ERAP1: variants seen among roughly 807,000 people sequenced by gnomAD.
ERAP1 encodes adipocyte-derived leucine aminopeptidase.
ERAP1 carries 86 observed loss-of-function variants against 103.7 expected under a neutral mutation model. The observed-to-expected ratio is 0.83, with a 90% CI of 0.70 to 0.99. ERAP1 has a LOEUF of 0.99. ERAP1 is among the 50% of genes least tolerant of loss of function. ERAP1 has a pLI of 0.00. For synonymous variants in ERAP1, 398 were observed against 402.4 expected (o/e 0.99, Z 0.13); for missense variants, 1,009 against 1,128.4 (o/e 0.89, Z 1.52).
downstream of ERAP1, chr5:96,769,514 A>G (rs911721206): frequency 8.9e-4 from 135 of 151,590 alleles, 2 homozygotes; most frequent in African/African-American, 3.0e-3. Context: ...GTAGTTTGGG[A>G]TGCATAGAAA....
chr5:96,880,363 A>C, the ERAP1 span: 1 of 1,062,140 alleles, frequency 9.4e-7, no homozygotes, highest in Non-Finnish European at 1.3e-6. Context: ...TGAGAAATCC[A>C]GTGAACTATG....
chr5:96,887,077 A>G, the ERAP1 span, among the ~76,000 whole-genome samples: 589 of 70,836 alleles, frequency 8.3e-3, 2 homozygotes, highest in African/African-American at 0.022. Flanking sequence ...TTCAAAGTAT[A>G]TATATATATA....
At chr5:96,808,189 T>C (rs1183147605), upstream of ERAP1, 4 of 14,200 alleles carry the variant, frequency 2.8e-4, no homozygotes, top group Admixed American at 6.0e-4. Context: ...CGCGGATCCG[T>C]GTGTGTGTGT....
the ERAP1 span, among the ~76,000 whole-genome samples, chr5:96,824,980 C>A: frequency 6.6e-6 from 1 of 152,138 alleles, no homozygotes; most frequent in Non-Finnish European, 1.5e-5. Context: ...GTGGAGGCTG[C>A]AGTGGGCTGC....
downstream of ERAP1, chr5:96,771,666 CA>C: frequency 6.2e-7 from 1 of 1,611,498 alleles, no homozygotes; most frequent in African/African-American, 1.3e-5. Flanking sequence ...ACTTCCAAGC[CA>C]AAAGATGACT....
chr5:96,863,095 T>C, the ERAP1 span, among the ~76,000 whole-genome samples: 1 of 152,188 alleles, frequency 6.6e-6, no homozygotes, highest in Admixed American at 6.5e-5. Context: ...CCACCTGCAC[T>C]ATCCTCTCAA....
At chr5:96,770,346 C>A (rs1300413988), downstream of ERAP1, 1 of 545,710 alleles carries the variant, frequency 1.8e-6, no homozygotes, top group Non-Finnish European at 3.3e-6. Flanking sequence ...ATCCTTTTTC[C>A]CTCCTGCTTT....
At chr5:96,881,791 C>T in the ERAP1 span, among the ~76,000 whole-genome samples, 4 of 152,128 alleles carry the variant, frequency 2.6e-5, no homozygotes, top group African/African-American at 9.6e-5. Context: ...GAGATAAGGG[C>T]AAAAAGAAAC....
At chr5:96,810,774 C>T (rs1779106381), upstream of ERAP1, among the ~76,000 whole-genome samples, 1 of 152,228 alleles carries the variant, frequency 6.6e-6, no homozygotes, top group Non-Finnish European at 1.5e-5. Context: ...TAGATATTGT[C>T]AAGTGATGTT....
the ERAP1 span, among the ~76,000 whole-genome samples, chr5:96,898,572 C>CAAAAAAAAAAAAA: frequency 5.3e-5 from 5 of 94,432 alleles, no homozygotes; most frequent in African/African-American, 2.1e-4. Context: ...TACTAAAATA[C>CAAAAAAAAAAAAA]AAAAAAAAAA....
the ERAP1 span, chr5:96,908,909 A>G: frequency 6.5e-7 from 1 of 1,529,536 alleles, no homozygotes; most frequent in Non-Finnish European, 8.9e-7. Flanking sequence ...TGTTAAAAAT[A>G]TTAAAAACTA....
the ERAP1 span, among the ~76,000 whole-genome samples, chr5:96,882,415 T>C: frequency 6.6e-6 from 1 of 152,180 alleles, no homozygotes; most frequent in Admixed American, 6.5e-5. Context: ...AATTAGTCAG[T>C]TCCCTTCATA....
chr5:96,903,753 C>T, the ERAP1 span, among the ~76,000 whole-genome samples: 1 of 152,134 alleles, frequency 6.6e-6, no homozygotes, highest in Admixed American at 6.5e-5. Context: ...TAATTGTAAT[C>T]CAATATTTTA....
At chr5:96,888,718 ATTTC>A in the ERAP1 span, among the ~76,000 whole-genome samples, 1 of 152,160 alleles carries the variant, frequency 6.6e-6, no homozygotes. Flanking sequence ...ATATTTGAGC[ATTTC>A]TTAGTTTAAA....
chr5:96,898,711 C>A, the ERAP1 span, among the ~76,000 whole-genome samples: 3 of 152,098 alleles, frequency 2.0e-5, no homozygotes, highest in Non-Finnish European at 4.4e-5. Flanking sequence ...TGGACTCCAG[C>A]CTGGTGACAG....
chr5:96,898,719 CAG>C, the ERAP1 span, among the ~76,000 whole-genome samples: 1 of 152,064 alleles, frequency 6.6e-6, no homozygotes, highest in Non-Finnish European at 1.5e-5. Flanking sequence ...AGCCTGGTGA[CAG>C]AGTGAGACTC....
At chr5:96,786,884 A>G (rs758047247) in intron 11 of ERAP1, 3 of 236,756 alleles carry the variant, frequency 1.3e-5, no homozygotes, top group South Asian at 6.8e-5. Context: ...GAAGGACACA[A>G]TATCACCTCC....
Position 96,783,221 on chromosome 5 carries a change from C to A in ERAP1, c.2115G>T (p.Arg705Ser). ...VETQFKAFLI[R>S]LLRDLIDKQT... ...GCTTATCAATGAGGTCCCTTAGCAG[C>A]CTGATGAGGAAGGCCTGAGGGCGTT... The change falls in exon 15 of 19, where the codon AGG becomes AGT. Residue 705 changes from arginine (R) to serine (S), a missense_variant. Arg to Ser is a moderately radical substitution (Grantham distance 110). Around this residue, in one of 3 missense-constraint regions of ERAP1, gnomAD observed 611 missense variants for 651.7 expected, o/e 0.94. Coordinates refer to ENST00000443439, the MANE Select transcript of ERAP1 (RefSeq NM_001040458.3). 3 of 1,611,522 alleles carry A rather than the reference C, an allele frequency of 1.9e-6. No individual in the cohort carries two copies. Among genetic ancestry groups the A allele is most frequent in the Non-Finnish European group, 2.5e-6 (3 of 1,177,764 alleles).
At chr5:96,864,163 G>A in the ERAP1 span, among the ~76,000 whole-genome samples, 1 of 152,124 alleles carries the variant, frequency 6.6e-6, no homozygotes, top group African/African-American at 2.4e-5. Flanking sequence ...TGCAGATAAT[G>A]TAAACACACA....
Sources: gnomAD v4.1 joint callset for allele counts (sites outside exome capture counted in the v4.1 genomes callset) on GRCh38, gnomAD v4.1.1 for gene constraint, gnomAD v4.1.1 regional missense constraint, MANE v1.5 for transcripts, NCBI Gene and HGNC (gene_info 2026-07-23, HGNC 2026-07-21) for gene names.